The following TMCO5A variants were observed in gnomAD, a reference collection of about 807,000 sequenced individuals.
TMCO5A encodes the protein transmembrane and coiled-coil domain-containing protein 5A.
TMCO5A carries 34 observed loss-of-function variants against 42.3 expected under a neutral mutation model. That is an observed-to-expected ratio of 0.80 (90% CI 0.61 to 1.07). TMCO5A has a LOEUF of 1.07. Among genes scored for constraint, TMCO5A ranks in the 50% least tolerant of loss-of-function variants. TMCO5A has a pLI of 0.00. For synonymous variants in TMCO5A, 131 were observed against 115.6 expected, an observed-to-expected ratio of 1.13 and a Z score of -0.86; for missense variants, 357 against 327.9, an observed-to-expected ratio of 1.09 and a Z score of -0.69.
intron 6 of TMCO5A, 80 bp from the exon 7 acceptor site, chr15:37,941,069 T>A: frequency 7.1e-7 from 1 of 1,408,230 alleles, no homozygotes; most frequent in Non-Finnish European, 1.0e-6. Flanking sequence ...TCACAGCTCG[T>A]GAGGCCACCT....
intron 11 of TMCO5A, among the ~76,000 whole-genome samples, chr15:37,962,271 G>A (rs1890449562): frequency 6.6e-6 from 1 of 151,950 alleles, no homozygotes; most frequent in African/African-American, 2.4e-5. Context: ...TTTGTCAAAC[G>A]CTTTTTCTTC....
chr15:37,954,012 C>A (rs1340800762), downstream of TMCO5A, among the ~76,000 whole-genome samples: 3 of 151,418 alleles, frequency 2.0e-5, no homozygotes, highest in Non-Finnish European at 4.4e-5. Flanking sequence ...AATACACAGT[C>A]AGAGGACATA....
rs544495463 is a variant in TMCO5A at position 37,966,510 on chromosome 15, T to G, written c.669-115T>G. 3.7e-4 allele frequency: 256 copies of G among 697,258 alleles called. 3 individuals carry two copies. The South Asian group carries it at 3.7e-3, about 10-fold the overall frequency. 43.2% of individuals were successfully genotyped at this position (697,258 alleles called of 1,614,324 possible). A position where few individuals can be genotyped will look rare whatever the true frequency, so the allele number is the denominator to read the frequency against. On this transcript the variant is annotated intron_variant, in intron 11 of 11. Coordinates refer to the TMCO5A transcript ENST00000559502. ...ACCCCATAAATATACACACCTACTA[T>G]GTACCCACAAAATTTTTTTCAGTGC...
downstream of TMCO5A, among the ~76,000 whole-genome samples, chr15:37,952,269 C>T (rs1359421337): frequency 6.6e-6 from 1 of 151,974 alleles, no homozygotes; most frequent in Non-Finnish European, 1.5e-5. Flanking sequence ...CTGGAATCAC[C>T]CCTCCCCTAA....
chr15:37,960,440 G>A (rs139473379), intron 11 of TMCO5A, among the ~76,000 whole-genome samples: 3,027 of 152,112 alleles, frequency 0.02, 104 homozygotes, highest in African/African-American at 0.069. Context: ...TGATTGATGG[G>A]CATTTGGGTT....
chr15:37,961,977 T>C (rs980558370), intron 11 of TMCO5A, among the ~76,000 whole-genome samples: 1 of 152,118 alleles, frequency 6.6e-6, no homozygotes, highest in South Asian at 2.1e-4. Flanking sequence ...AATCATATCA[T>C]CAGCAAACAG....
chr15:38,011,451 A>T, the TMCO5A span, among the ~76,000 whole-genome samples: 2 of 152,134 alleles, frequency 1.3e-5, no homozygotes, highest in African/African-American at 2.4e-5. Context: ...TTTTAAACTT[A>T]ATCTCAGAAA....
downstream of TMCO5A, among the ~76,000 whole-genome samples, chr15:37,955,443 C>T (rs1002528135): frequency 6.6e-6 from 1 of 151,944 alleles, no homozygotes; most frequent in Admixed American, 6.6e-5. Flanking sequence ...GGTTGCAATC[C>T]TAGTCTCTGA....
chr15:37,935,209 T>C (rs1046263981), intron 1 of TMCO5A, 48 bp from the exon 2 acceptor site: 3 of 152,126 alleles, frequency 2.0e-5, no homozygotes, highest in Non-Finnish European at 4.4e-5. Flanking sequence ...TATTCATAAA[T>C]GAACCCATTT....
chr15:37,949,230 A>G (rs764258522), intron 11 of TMCO5A, among the ~76,000 whole-genome samples: 2 of 152,194 alleles, frequency 1.3e-5, no homozygotes, highest in Non-Finnish European at 2.9e-5. Flanking sequence ...AGAAAATAAC[A>G]TAATCATGGA....
chr15:38,018,288 TAACTC>T, the TMCO5A span, among the ~76,000 whole-genome samples: 6,997 of 152,186 alleles, frequency 0.046, 547 homozygotes, highest in African/African-American at 0.16. Context: ...GCTGAAGACT[TAACTC>T]TAAGTAAAGA....
the TMCO5A span, among the ~76,000 whole-genome samples, chr15:37,977,551 C>T: frequency 6.6e-6 from 1 of 152,292 alleles, no homozygotes; most frequent in Non-Finnish European, 1.5e-5. Context: ...AGTAGATACG[C>T]TCTTGCTTAG....
intron 11 of TMCO5A, among the ~76,000 whole-genome samples, chr15:37,965,825 C>T (rs540097798): frequency 6.6e-6 from 1 of 152,258 alleles, no homozygotes; most frequent in East Asian, 1.9e-4. Flanking sequence ...GTTAGTACAA[C>T]CACTATGGAG....
intron 10 of TMCO5A, chr15:37,944,190 T>G (rs1222364386): frequency 1.3e-5 from 2 of 152,172 alleles, no homozygotes; most frequent in Non-Finnish European, 2.9e-5. Context: ...TCCAAATGTT[T>G]GGATATATGT....
intron 11 of TMCO5A, among the ~76,000 whole-genome samples, chr15:37,949,089 G>C (rs1473388030): frequency 1.3e-5 from 2 of 151,558 alleles, no homozygotes; most frequent in African/African-American, 4.9e-5. Context: ...AATGGGGAAG[G>C]TTTCCTCATG....
At chr15:38,027,153 C>T in the TMCO5A span, among the ~76,000 whole-genome samples, 8 of 152,210 alleles carry the variant, frequency 5.3e-5, no homozygotes, top group East Asian at 3.9e-4. Context: ...GATCCACCGA[C>T]AGCTTGCACC....
chr15:37,993,454 G>A, the TMCO5A span: 1 of 151,884 alleles, frequency 6.6e-6, no homozygotes, highest in African/African-American at 2.4e-5. Context: ...GGTCTTTTGA[G>A]CCTGCATGCA....
At chr15:37,944,593 C>T (rs553951984) in intron 10 of TMCO5A, among the ~76,000 whole-genome samples, 2 of 152,124 alleles carry the variant, frequency 1.3e-5, no homozygotes, top group East Asian at 3.9e-4. Context: ...AGCCTCTTTT[C>T]CACAGCTCTA....
chr15:38,025,845 G>C, the TMCO5A span, among the ~76,000 whole-genome samples: 1 of 152,176 alleles, frequency 6.6e-6, no homozygotes, highest in Non-Finnish European at 1.5e-5. Context: ...CCCCCATACT[G>C]TTCTCAGGGT....
Sources: allele counts gnomAD v4.1 joint callset (sites outside exome capture counted in the v4.1 genomes callset), GRCh38; gene constraint gnomAD v4.1.1; transcripts MANE v1.5; gene names NCBI Gene and HGNC (gene_info 2026-07-23, HGNC 2026-07-21).